Variants in DLG2 observed in about 807,000 individuals in gnomAD.
DLG2 encodes disks large homolog 2.
A neutral mutation model predicts 132.5 loss-of-function variants in DLG2; 45 were observed. That is an observed-to-expected ratio of 0.34 (90% CI 0.27 to 0.44). DLG2 has a LOEUF of 0.44. Among genes scored for constraint, DLG2 ranks in the 20% least tolerant of loss-of-function variants. DLG2 has a pLI of 1.00. For synonymous variants in DLG2, 424 were observed against 419.6 expected (o/e 1.01, Z -0.13); for missense variants, 1,045 against 1,196.9 (o/e 0.87, Z 1.87).
chr11:85,093,876 C>T (rs946727064), intron 6 of DLG2, among the ~76,000 whole-genome samples: 1 of 152,178 alleles, frequency 6.6e-6, no homozygotes, highest in African/African-American at 2.4e-5. Context: ...TGAAGCCTAA[C>T]ACTAATTCCA....
At chr11:83,954,927 T>C (rs1033821265) in intron 14 of DLG2, among the ~76,000 whole-genome samples, 2 of 152,224 alleles carry the variant, frequency 1.3e-5, no homozygotes, top group Non-Finnish European at 2.9e-5. Context: ...TTCTAATGTG[T>C]TCTACAAGAT....
intron 3 of DLG2, among the ~76,000 whole-genome samples, chr11:85,430,678 A>G (rs898424763): frequency 7.2e-5 from 11 of 152,168 alleles, no homozygotes; most frequent in Admixed American, 3.3e-4. Flanking sequence ...TTTGACTGCA[A>G]ACAGGACAGG....
At chr11:85,282,276 A>G (rs1429133919) in intron 4 of DLG2, among the ~76,000 whole-genome samples, 2 of 151,952 alleles carry the variant, frequency 1.3e-5, no homozygotes, top group East Asian at 3.8e-4. Flanking sequence ...AGATAGAAAC[A>G]GATCTAGTGC....
intron 6 of DLG2, chr11:85,021,767 T>A: frequency 3.5e-6 from 2 of 567,460 alleles, no homozygotes; most frequent in Non-Finnish European, 6.4e-6. Flanking sequence ...TACTCCTGGG[T>A]TCTACGTGGA....
chr11:85,490,312 A>C (rs1445834445), intron 3 of DLG2, among the ~76,000 whole-genome samples: 1 of 152,230 alleles, frequency 6.6e-6, no homozygotes, highest in Non-Finnish European at 1.5e-5. Flanking sequence ...TGTAGAAAAT[A>C]GTGAAAAAAT....
intron 6 of DLG2, among the ~76,000 whole-genome samples, chr11:85,056,650 T>C (rs1172580418): frequency 6.6e-6 from 1 of 151,780 alleles, no homozygotes; most frequent in Admixed American, 6.6e-5. Context: ...ATTCAAGAAG[T>C]GCTGCAAATC....
chr11:84,668,064 A>G (rs2099701760), intron 6 of DLG2, among the ~76,000 whole-genome samples: 2 of 152,152 alleles, frequency 1.3e-5, no homozygotes, highest in Admixed American at 1.3e-4. Flanking sequence ...ATGAGAGTAT[A>G]AAAGTTAACC....
intron 7 of DLG2, among the ~76,000 whole-genome samples, chr11:84,319,985 T>G (rs2098394765): frequency 6.6e-6 from 1 of 152,192 alleles, no homozygotes; most frequent in South Asian, 2.1e-4. Flanking sequence ...GATAAATATG[T>G]TCAACTAGCC....
chr11:83,493,894 A>G lies in DLG2; in HGVS notation c.2194-9666T>C, dbSNP rs1178326673. 3.3e-5 allele frequency among the ~76,000 whole-genome samples: 5 copies of G among 152,162 alleles called. No individual in the cohort carries two copies. The East Asian group carries it at 5.8e-4, about 18-fold the overall frequency. ...GACTTTAACAATAATAGAACTGTCA[A>G]CTAGGACCTGGAGAAGCTGAACAAA... is the stretch of plus-strand genomic sequence containing the variant. On this transcript the variant is annotated intron_variant, in intron 21 of 27. Transcript: ENST00000376104.
chr11:83,870,217 G>C (rs1229084127), intron 16 of DLG2, among the ~76,000 whole-genome samples: 14 of 152,146 alleles, frequency 9.2e-5, no homozygotes, highest in Admixed American at 5.9e-4. Flanking sequence ...TGTGCTTTTA[G>C]TGTATCCATC....
chr11:84,462,939 A>C (rs553832839), intron 7 of DLG2, among the ~76,000 whole-genome samples: 1 of 151,408 alleles, frequency 6.6e-6, no homozygotes, highest in South Asian at 2.1e-4. Context: ...AATTTTTAAC[A>C]ACGTAAGAGC....
chr11:84,989,332 C>T (rs536108781), intron 6 of DLG2, among the ~76,000 whole-genome samples: 6 of 152,196 alleles, frequency 3.9e-5, no homozygotes, highest in South Asian at 2.1e-4. Context: ...TCTGCCACCA[C>T]GCCCGGCTAA....
intron 7 of DLG2, among the ~76,000 whole-genome samples, chr11:84,350,448 T>C (rs973028292): frequency 6.6e-6 from 1 of 152,168 alleles, no homozygotes; most frequent in Non-Finnish European, 1.5e-5. Flanking sequence ...TCCACATCTA[T>C]GTAAGAGAAT....
chr11:83,662,570 A>G (rs1301489260), intron 18 of DLG2, among the ~76,000 whole-genome samples: 1 of 152,166 alleles, frequency 6.6e-6, no homozygotes, highest in East Asian at 1.9e-4. Context: ...TGAATCTCCA[A>G]CAATTAAATG....
intron 10 of DLG2, among the ~76,000 whole-genome samples, chr11:84,076,456 T>G (rs2096831364): frequency 6.6e-6 from 1 of 152,230 alleles, no homozygotes; most frequent in African/African-American, 2.4e-5. Flanking sequence ...GCCACGCGAT[T>G]ATTGCTACAT....
chr11:84,790,660 C>T (rs908430799), intron 6 of DLG2, among the ~76,000 whole-genome samples: 5 of 152,188 alleles, frequency 3.3e-5, no homozygotes, highest in African/African-American at 1.2e-4. Flanking sequence ...CATCTTTGCA[C>T]AGATCAATGT....
chr11:83,768,778 G>C (rs1030657593), intron 18 of DLG2, among the ~76,000 whole-genome samples: 1 of 152,184 alleles, frequency 6.6e-6, no homozygotes, highest in Non-Finnish European at 1.5e-5. Flanking sequence ...ACTAGTTAAA[G>C]GAGCATGGCC....
intron 10 of DLG2, among the ~76,000 whole-genome samples, chr11:84,064,359 T>C (rs2096639332): frequency 6.6e-6 from 1 of 152,200 alleles, no homozygotes; most frequent in Non-Finnish European, 1.5e-5. Context: ...CTTTTATGTT[T>C]CTTTCAAATG....
At chr11:85,364,938 G>A (rs1338171029) in intron 3 of DLG2, among the ~76,000 whole-genome samples, 1 of 151,390 alleles carries the variant, frequency 6.6e-6, no homozygotes, top group African/African-American at 2.4e-5. Context: ...AAATTATAAA[G>A]GTGCTTCCAT....
Sources: gnomAD v4.1 joint callset for allele counts (sites outside exome capture counted in the v4.1 genomes callset) on GRCh38, gnomAD v4.1.1 for gene constraint, MANE v1.5 for transcripts, NCBI Gene and HGNC (gene_info 2026-07-23, HGNC 2026-07-21) for gene names.